FCHO2: variants seen among roughly 807,000 people sequenced by gnomAD.
The protein encoded by FCHO2 is F-BAR domain only protein 2.
FCHO2 carries 43 observed loss-of-function variants against 114.1 expected under a neutral mutation model. The ratio of observed to expected loss-of-function variants is 0.38; its 90% CI spans 0.30 to 0.49. The LOEUF (loss-of-function observed/expected upper bound fraction) is 0.49. Among genes scored for constraint, FCHO2 ranks in the 20% least tolerant of loss-of-function variants. The pLI is 0.97. For synonymous variants in FCHO2, 293 were observed against 315.2 expected (o/e 0.93, Z 0.75); for missense variants, 807 against 950.4 (o/e 0.85, Z 1.98).
intron 2 of FCHO2, among the ~76,000 whole-genome samples, chr5:72,984,373 G>A (rs1425819863): frequency 6.6e-6 from 1 of 152,100 alleles, no homozygotes; most frequent in Non-Finnish European, 1.5e-5. Context: ...TTAGGTTTTG[G>A]TATCAAAGTT....
At chr5:72,965,018 A>C (rs1260516305) in intron 1 of FCHO2, among the ~76,000 whole-genome samples, 1 of 151,788 alleles carries the variant, frequency 6.6e-6, no homozygotes, top group Non-Finnish European at 1.5e-5. Context: ...AAAAAAAAAC[A>C]GTGTATAAAG....
chr5:73,007,387 T>A (rs910544085), intron 6 of FCHO2, among the ~76,000 whole-genome samples: 6 of 152,346 alleles, frequency 3.9e-5, no homozygotes, highest in African/African-American at 1.4e-4. Flanking sequence ...TTCTTTTACC[T>A]ATATTTTTTG....
At chr5:73,023,185 A>G (rs1332478615) in intron 8 of FCHO2, among the ~76,000 whole-genome samples, 1 of 152,210 alleles carries the variant, frequency 6.6e-6, no homozygotes, top group East Asian at 1.9e-4. Flanking sequence ...ATCACAGTAC[A>G]AAGATACCAA....
intron 11 of FCHO2, chr5:73,051,125 C>A (rs1757318037): frequency 5.2e-6 from 2 of 384,492 alleles, no homozygotes; most frequent in Non-Finnish European, 9.1e-6. Context: ...TCTCCTGTTT[C>A]ATTTTGCAGG....
chr5:73,009,857 A>G (rs1384424309), intron 6 of FCHO2, among the ~76,000 whole-genome samples: 1 of 152,160 alleles, frequency 6.6e-6, no homozygotes, highest in Non-Finnish European at 1.5e-5. Flanking sequence ...TAAGATGGGA[A>G]CATTAATTTA....
At chr5:73,029,389 A>C (rs1398930616) in intron 8 of FCHO2, among the ~76,000 whole-genome samples, 2 of 152,220 alleles carry the variant, frequency 1.3e-5, no homozygotes, top group Non-Finnish European at 2.9e-5. Context: ...AGAGGAGATT[A>C]TATTTCAGTA....
intron 24 of FCHO2, among the ~76,000 whole-genome samples, chr5:73,084,351 T>C (rs549582693): frequency 6.6e-6 from 1 of 152,226 alleles, no homozygotes; most frequent in East Asian, 1.9e-4. Context: ...CTGCAACCTC[T>C]GCCTCCCAGG....
intron 15 of FCHO2, chr5:73,055,196 G>A (rs934006872): frequency 9.1e-6 from 2 of 220,814 alleles, no homozygotes; most frequent in Non-Finnish European, 1.9e-5. Context: ...GTTGATTGTA[G>A]CTTAATGATA....
Position 72,987,171 on chromosome 5 carries a change from C to T in FCHO2, c.126-2256C>T, listed in dbSNP as rs139955069. ...GATTACCGGCGTGAGCCACCGTGCC[C>T]GGCCTATTTTAACTATTTTTCTACA... is the stretch of plus-strand genomic sequence containing the variant. On this transcript the variant is annotated intron_variant, in intron 2 of 25. Coordinates refer to ENST00000430046, the MANE Select transcript of FCHO2 (RefSeq NM_138782.3). Among the ~76,000 whole-genome samples, 965 of 151,270 alleles carry T rather than the reference C, an allele frequency of 6.4e-3. 8 individuals are homozygous for T. Among genetic ancestry groups the T allele is most frequent in the African/African-American group, 0.022 (904 of 41,228 alleles).
At chr5:73,082,159 T>A (rs1160435163) in intron 23 of FCHO2, among the ~76,000 whole-genome samples, 177 bp downstream of exon 23, 6 of 151,834 alleles carry the variant, frequency 4.0e-5, no homozygotes, top group Admixed American at 3.9e-4. Context: ...GTAACCTTAA[T>A]CAAAAATAAA....
intron 1 of FCHO2, among the ~76,000 whole-genome samples, chr5:72,964,296 A>T (rs1441071611): frequency 6.6e-6 from 1 of 152,134 alleles, no homozygotes; most frequent in Non-Finnish European, 1.5e-5. Context: ...AGGTAGTAAG[A>T]TTTCTTTCCT....
At chr5:73,032,891 T>C (rs1439547685) in intron 8 of FCHO2, among the ~76,000 whole-genome samples, 1 of 152,190 alleles carries the variant, frequency 6.6e-6, no homozygotes, top group Non-Finnish European at 1.5e-5. Context: ...GCTTTATTAG[T>C]ACTTGGAAAA....
intron 5 of FCHO2, among the ~76,000 whole-genome samples, chr5:73,001,867 C>T (rs1222560865): frequency 6.7e-6 from 1 of 149,894 alleles, no homozygotes; most frequent in Non-Finnish European, 1.5e-5. Context: ...TAGTTTGAGG[C>T]TACACTCTAG....
intron 5 of FCHO2, among the ~76,000 whole-genome samples, chr5:72,994,249 C>A (rs953602930): frequency 4.6e-5 from 7 of 152,160 alleles, no homozygotes; most frequent in African/African-American, 1.7e-4. Context: ...TGACAAAGGT[C>A]TGACATCCAG....
intron 2 of FCHO2, among the ~76,000 whole-genome samples, chr5:72,971,328 G>C (rs1196017300): frequency 3.3e-5 from 5 of 151,200 alleles, no homozygotes; most frequent in Non-Finnish European, 5.9e-5. Flanking sequence ...CAGTGTAAAA[G>C]TGTTCCTATT....
chr5:72,965,916 G>A (rs992956998), intron 1 of FCHO2, among the ~76,000 whole-genome samples: 44 of 152,030 alleles, frequency 2.9e-4, no homozygotes, highest in Non-Finnish European at 8.8e-5. Flanking sequence ...AGGGAGGTTA[G>A]GCATGTTATT....
At chr5:72,969,613 A>G (rs555383686) in intron 2 of FCHO2, among the ~76,000 whole-genome samples, 2 of 152,290 alleles carry the variant, frequency 1.3e-5, no homozygotes, top group South Asian at 2.1e-4. Flanking sequence ...CTACTTTGCA[A>G]CCATCAGGGC....
intron 19 of FCHO2, among the ~76,000 whole-genome samples, chr5:73,069,502 G>A (rs1742527740): frequency 6.6e-6 from 1 of 152,010 alleles, no homozygotes; most frequent in Admixed American, 6.6e-5. Context: ...TCTCATAAGA[G>A]TGCGCAACCT....
At chr5:73,004,321 A>C (rs1388781156) in intron 5 of FCHO2, among the ~76,000 whole-genome samples, 1 of 152,192 alleles carries the variant, frequency 6.6e-6, no homozygotes, top group African/African-American at 2.4e-5. Context: ...AGGATATTAG[A>C]GGATTCCAGT....
Sources: gnomAD v4.1 joint callset for allele counts (sites outside exome capture counted in the v4.1 genomes callset) on GRCh38, gnomAD v4.1.1 for gene constraint, MANE v1.5 for transcripts, NCBI Gene and HGNC (gene_info 2026-07-23, HGNC 2026-07-21) for gene names.